CRYBG3: variants seen among roughly 807,000 people sequenced by gnomAD.
The protein encoded by CRYBG3 is very large A-kinase anchor protein.
CRYBG3 carries 127 observed loss-of-function variants against 244.2 expected under a neutral mutation model. The ratio of observed to expected loss-of-function variants is 0.52; its 90% CI spans 0.45 to 0.60. The LOEUF (loss-of-function observed/expected upper bound fraction) is 0.60, where lower values mean the gene tolerates loss of function less well. Ranked by LOEUF, CRYBG3 falls within the 20% of genes least tolerant of loss-of-function variation. The pLI, the probability that CRYBG3 is intolerant of heterozygous loss-of-function variation, is 0.00. For missense variants in CRYBG3, 3,325 were observed against 3,442.5 expected (o/e 0.97, Z 0.85); for synonymous variants, 1,132 against 1,195.8 (o/e 0.95, Z 1.10).
At chr3:97,861,497 A>G (rs1308035992) in intron 2 of CRYBG3, among the ~76,000 whole-genome samples, 1 of 152,166 alleles carries the variant, frequency 6.6e-6, no homozygotes, top group East Asian at 1.9e-4. Context: ...TAGCAAAGAG[A>G]GTAGATAGAG....
At chr3:97,890,693 C>T (rs937522492) in intron 10 of CRYBG3, among the ~76,000 whole-genome samples, 3 of 152,010 alleles carry the variant, frequency 2.0e-5, no homozygotes, top group Non-Finnish European at 2.9e-5. Context: ...AGTTTTTAGT[C>T]GTAAGGAAGC....
chr3:97,872,449 A>G lies in CRYBG3; in HGVS notation c.1255A>G (p.Thr419Ala), dbSNP rs1484542317. ...KENSTVMSNR[T>A]LVQREELVEP... is the part of the protein sequence containing the mutation. ...AAACAGCACTGTGATGAGTAATAGG[A>G]CATTGGTGCAAAGAGAGGAGCTTGT... Residue 419 changes from threonine to alanine, a missense_variant, in exon 4 of 22, where the codon ACA becomes GCA. Thr to Ala is a moderately conservative substitution (Grantham distance 58). Transcript: ENST00000389622. 6.5e-7 allele frequency: 1 copy of G among 1,536,012 alleles called. No homozygotes were observed. Among genetic ancestry groups the G allele is most frequent in the South Asian group, 1.2e-5 (1 of 84,056 alleles).
chr3:97,832,285 A>G (rs2108156407), intron 1 of CRYBG3, among the ~76,000 whole-genome samples: 1 of 152,110 alleles, frequency 6.6e-6, no homozygotes, highest in Middle Eastern at 3.4e-3. Flanking sequence ...AAAAGAAGAA[A>G]GCTGGAGGTA....
At chr3:97,869,229 A>G (rs978212806) in intron 3 of CRYBG3, among the ~76,000 whole-genome samples, 1 of 151,906 alleles carries the variant, frequency 6.6e-6, no homozygotes, top group Non-Finnish European at 1.5e-5. Context: ...TCATTCATTC[A>G]TTCATTCATT....
intron 1 of CRYBG3, among the ~76,000 whole-genome samples, chr3:97,824,605 A>G (rs1191054454): frequency 1.3e-5 from 2 of 152,128 alleles, no homozygotes; most frequent in Non-Finnish European, 2.9e-5. Context: ...GCTGTGATTT[A>G]TATGGGCTTC....
At position 97,873,621 on chromosome 3, in the gene CRYBG3, T is replaced by C; in HGVS notation, c.2427T>C (p.Thr809=). 6.5e-7 allele frequency: 1 copy of C among 1,534,488 alleles called. No homozygotes were observed. The highest frequency in any genetic ancestry group is 2.4e-5 in the East Asian group (1 of 40,902). Residue 809 remains threonine, a synonymous_variant, in exon 4 of 22, where the codon ACT becomes ACC. Transcript: ENST00000389622. The stretch of plus-strand genomic sequence containing the variant: ...ATTCTCTTTCCTTGGAAGCCAAAAC[T>C]GCTAACATTGTATCAAAAGCTGAAA... ...KSDSLSLEAK[T]ANIVSKAEID...
intron 17 of CRYBG3, among the ~76,000 whole-genome samples, chr3:97,931,504 A>C (rs1054983733): frequency 6.6e-6 from 1 of 151,992 alleles, no homozygotes; most frequent in African/African-American, 2.4e-5. Context: ...CCATGGCTCT[A>C]GTTATTACCC....
intron 17 of CRYBG3, among the ~76,000 whole-genome samples, chr3:97,926,226 C>G (rs553984500): frequency 6.6e-6 from 1 of 152,040 alleles, no homozygotes; most frequent in African/African-American, 2.4e-5. Context: ...CCACCACAAT[C>G]AAGTAGGCTT....
chr3:97,912,240 C>T lies in CRYBG3; in HGVS notation c.8078C>T (p.Ser2693Leu). The T allele has an allele frequency of 6.2e-7, 1 of 1,606,416 alleles. No homozygotes were observed. The highest frequency in any genetic ancestry group is 8.5e-7 in the Non-Finnish European group (1 of 1,175,866). The change falls in exon 16 of 22, where the codon TCA (serine) becomes TTA (leucine). Residue 2693 changes from serine to leucine, a missense_variant. Physicochemically the swap from Ser to Leu is moderately radical, Grantham distance 145 (BLOSUM62 -2). Coordinates refer to ENST00000389622, the MANE Select transcript of CRYBG3 (RefSeq NM_153605.4). ...ACAGAAGAAACTTCTGATTTGACTTCACTCATGCCATGTTCTTTTAAAGTT... is the reference window on the plus strand; with the variant it reads ...ACAGAAGAAACTTCTGATTTGACTTTACTCATGCCATGTTCTTTTAAAGTT... The part of the protein sequence containing the change: ...DFTEETSDLT[S>L]LMPCSFKVLR...
chr3:97,944,627 C>CA lies in CRYBG3; in HGVS notation c.*1313_*1314insA, dbSNP rs2040310325. On this transcript the variant is annotated 3_prime_UTR_variant, in exon 22 of 22. Coordinates refer to ENST00000389622, the MANE Select transcript of CRYBG3 (RefSeq NM_153605.4). ...CCTTCAATCTCAGGCTTTTCTCCAT[C>CA]TTTTAAGCAGCCTCTGTAACTCCCT... 6.6e-6 allele frequency: 1 copy of CA among 152,284 alleles called. No homozygotes were observed. Among genetic ancestry groups the CA allele is most frequent in the Admixed American group, 6.6e-5 (1 of 15,188 alleles). 9.4% of individuals were successfully genotyped at this position (152,284 alleles called of 1,614,324 possible).
At position 97,874,311 on chromosome 3, in the gene CRYBG3, G is replaced by C. The variant is rs545501003; in HGVS notation, c.3117G>C (p.Lys1039Asn). The change falls in exon 4 of 22, where the codon AAG (lysine) becomes AAC (asparagine). Residue 1039 changes from lysine (K) to asparagine (N), a missense_variant. Lys to Asn is a moderately conservative substitution (Grantham distance 94). This residue lies in a region of CRYBG3 where 1,526 missense variants were observed against 1,443.2 expected (regional missense o/e 1.06). Transcript: ENST00000389622. Reference protein sequence around the residue: ...LKVPSVLKLEKKSSSYRKKEN... With the variant: ...LKVPSVLKLENKSSSYRKKEN... ...TACCTTCTGTGCTGAAATTGGAAAAGAAATCCTCATCTTACAGAAAGAAAG... is the reference window on the plus strand; with the variant it reads ...TACCTTCTGTGCTGAAATTGGAAAACAAATCCTCATCTTACAGAAAGAAAG... 1.2e-4 allele frequency: 178 copies of C among 1,527,494 alleles called. 1 individual carries two copies. The highest frequency in any genetic ancestry group is 1.0e-3 in the Middle Eastern group (6 of 5,922). The allele number at this position is 1,527,494 out of a possible 1,614,324, so 94.6% of individuals were successfully genotyped here. A position where few individuals can be genotyped will look rare whatever the true frequency, so the allele number is the denominator to read the frequency against.
chr3:97,923,551 G>A (rs561134538), intron 17 of CRYBG3, among the ~76,000 whole-genome samples: 11 of 151,294 alleles, frequency 7.3e-5, no homozygotes, highest in South Asian at 6.3e-4. Flanking sequence ...ACTACTATTC[G>A]GTATTCTGAA....
intron 2 of CRYBG3, among the ~76,000 whole-genome samples, chr3:97,851,908 G>A (rs917590818): frequency 1.3e-5 from 2 of 152,172 alleles, no homozygotes; most frequent in Admixed American, 6.5e-5. Context: ...TTAGGCCACC[G>A]ATAACACTAT....
Position 97,873,420 on chromosome 3 carries a change from C to T in CRYBG3, c.2226C>T (p.Cys742=). 2 of 1,534,788 alleles carry T rather than the reference C, an allele frequency of 1.3e-6. No homozygotes were observed. Among genetic ancestry groups the T allele is most frequent in the Non-Finnish European group, 1.7e-6 (2 of 1,146,516 alleles). Residue 742 remains cysteine (C), a synonymous_variant, in exon 4 of 22, where the codon TGC becomes TGT. Coordinates refer to ENST00000389622, the MANE Select transcript of CRYBG3 (RefSeq NM_153605.4). The part of the protein sequence containing the change: ...FKEVLSNSEK[C]QVLPGSEASG... ...AAGTTCTTTCTAATAGTGAAAAATGCCAGGTTCTTCCAGGTTCTGAAGCCA... is the reference window on the plus strand; with the variant it reads ...AAGTTCTTTCTAATAGTGAAAAATGTCAGGTTCTTCCAGGTTCTGAAGCCA...
In CRYBG3 at chr3:97,877,716, G is replaced by A. The variant is rs528260943; in HGVS notation, c.6522G>A (p.Gln2174=). The A allele has an allele frequency of 6.2e-7, 1 of 1,614,108 alleles. No individual in the cohort carries two copies. The highest frequency in any genetic ancestry group is 1.1e-5 in the South Asian group (1 of 91,074). The change falls in exon 4 of 22, where the codon CAG becomes CAA. Residue 2174 remains glutamine (Q), a synonymous_variant. Transcript: ENST00000389622. ...RAGSGERVTF[Q]LPDPSITFYP... is the part of the protein sequence containing the mutation. The stretch of plus-strand genomic sequence containing the variant: ...GAAGTGGGGAGCGTGTTACCTTCCA[G>A]TTGCCAGATCCTTCCATCACATTTT...
intron 6 of CRYBG3, among the ~76,000 whole-genome samples, chr3:97,880,795 A>G (rs1360650672): frequency 6.6e-6 from 1 of 152,252 alleles, no homozygotes; most frequent in Non-Finnish European, 1.5e-5. Context: ...CCACATCTAT[A>G]AAGAGCATAC....
chr3:97,908,659 T>A (rs1435804021), intron 15 of CRYBG3, among the ~76,000 whole-genome samples: 1 of 152,166 alleles, frequency 6.6e-6, no homozygotes, highest in East Asian at 1.9e-4. Flanking sequence ...ATGAGATGGG[T>A]TTCCTGAATA....
At chr3:97,924,173 T>C (rs2040014762) in intron 17 of CRYBG3, 1 of 316,876 alleles carries the variant, frequency 3.2e-6, no homozygotes, top group African/African-American at 2.3e-5. Flanking sequence ...AGCATTCCAA[T>C]GGAGCTATGA....
intron 2 of CRYBG3, among the ~76,000 whole-genome samples, chr3:97,860,436 G>T (rs1477820610): frequency 6.6e-6 from 1 of 152,138 alleles, no homozygotes; most frequent in Admixed American, 6.6e-5. Context: ...CAGTTTTACA[G>T]TGGAGGGGTC....
Sources: gnomAD v4.1 joint callset for allele counts (sites outside exome capture counted in the v4.1 genomes callset) on GRCh38, gnomAD v4.1.1 for gene constraint, gnomAD v4.1.1 regional missense constraint, MANE v1.5 for transcripts, NCBI Gene and HGNC (gene_info 2026-07-23, HGNC 2026-07-21) for gene names.